The following CCDC178 variants were observed in gnomAD, a reference collection of about 807,000 sequenced individuals.
The protein encoded by CCDC178 is coiled-coil domain-containing protein 178.
A neutral mutation model predicts 117.4 loss-of-function variants in CCDC178; 126 were observed. The ratio of observed to expected loss-of-function variants is 1.07; its 90% CI spans 0.93 to 1.24. The LOEUF (loss-of-function observed/expected upper bound fraction) is 1.24. Among genes scored for constraint, CCDC178 ranks in the 50% most tolerant of loss-of-function variants. CCDC178 has a pLI of 0.00. For missense variants in CCDC178, 1,030 were observed against 986.9 expected (o/e 1.04, Z -0.59); for synonymous variants, 283 against 313.4 (o/e 0.90, Z 1.02).
intron 11 of CCDC178, among the ~76,000 whole-genome samples, chr18:33,308,494 G>C (rs755384208): frequency 5.9e-5 from 9 of 152,210 alleles, no homozygotes; most frequent in Non-Finnish European, 1.2e-4. Flanking sequence ...AGATGAGACT[G>C]CACTTAGACT....
chr18:33,040,030 G>A (rs962582092), intron 21 of CCDC178, among the ~76,000 whole-genome samples: 4 of 151,912 alleles, frequency 2.6e-5, no homozygotes, highest in African/African-American at 9.7e-5. Context: ...ACTTTTGGCA[G>A]AGGAAGAAGA....
At chr18:33,185,187 A>G (rs1315348757) in intron 20 of CCDC178, among the ~76,000 whole-genome samples, 25 of 152,026 alleles carry the variant, frequency 1.6e-4, no homozygotes, top group Non-Finnish European at 4.4e-5. Context: ...GGGTGTGCTC[A>G]TCCTGCATCA....
chr18:33,121,366 C>T (rs1463205028), intron 20 of CCDC178, among the ~76,000 whole-genome samples: 2 of 152,116 alleles, frequency 1.3e-5, no homozygotes, highest in Admixed American at 1.3e-4. Context: ...TCCTGATTGC[C>T]TGCCTTACAA....
chr18:33,417,650 T>C (rs1162743224), intron 2 of CCDC178, among the ~76,000 whole-genome samples: 2 of 152,164 alleles, frequency 1.3e-5, no homozygotes, highest in Non-Finnish European at 2.9e-5. Context: ...GTTATTATTG[T>C]TGTACTATAG....
chr18:33,038,075 T>A (rs2056478018), intron 21 of CCDC178, among the ~76,000 whole-genome samples: 2 of 151,916 alleles, frequency 1.3e-5, no homozygotes, highest in African/African-American at 4.8e-5. Context: ...GTTTTTTCAA[T>A]AAAAGTATGA....
intron 11 of CCDC178, among the ~76,000 whole-genome samples, chr18:33,313,879 C>T (rs112379706): frequency 1.3e-5 from 2 of 152,238 alleles, no homozygotes; most frequent in East Asian, 1.9e-4. Context: ...AAACTGAAAT[C>T]GCACATGAAG....
At chr18:33,009,096 G>A (rs2055809434) in intron 21 of CCDC178, among the ~76,000 whole-genome samples, 1 of 152,030 alleles carries the variant, frequency 6.6e-6, no homozygotes, top group African/African-American at 2.4e-5. Flanking sequence ...GTCATCAGAA[G>A]ATCCTATTGG....
At chr18:33,401,509 T>G (rs2063709742) in intron 3 of CCDC178, among the ~76,000 whole-genome samples, 1 of 152,164 alleles carries the variant, frequency 6.6e-6, no homozygotes, top group African/African-American at 2.4e-5. Flanking sequence ...TATACAATAT[T>G]CCAGTTACAA....
chr18:33,425,867 A>G lies in CCDC178; in HGVS notation c.-22-13757T>C, dbSNP rs531790615. Among the ~76,000 whole-genome samples the G allele has an allele frequency of 1.0e-3, 159 of 152,298 alleles. 1 individual carries two copies. The highest frequency in any genetic ancestry group is 2.0e-3 in the Admixed American group (31 of 15,304). ...AGTCAGATTAACAGGTGGTGGTTCT[A>G]CAGCCAGTAGAAAAATATTTTGGCT... On this transcript the variant is annotated intron_variant, in intron 2 of 22. Transcript: ENST00000383096.
chr18:33,031,905 AC>A (rs1250114798), intron 21 of CCDC178, among the ~76,000 whole-genome samples: 5 of 152,162 alleles, frequency 3.3e-5, no homozygotes, highest in African/African-American at 1.2e-4. Flanking sequence ...GAGAATAAAT[AC>A]TATCTAGTAA....
At chr18:33,081,465 C>A (rs2057296210) in intron 21 of CCDC178, among the ~76,000 whole-genome samples, 1 of 152,110 alleles carries the variant, frequency 6.6e-6, no homozygotes, top group Non-Finnish European at 1.5e-5. Flanking sequence ...TGCATTAGTG[C>A]AATGATCCTT....
At chr18:33,389,465 T>C in intron 5 of CCDC178, 75 bp downstream of exon 5, 1 of 589,534 alleles carries the variant, frequency 1.7e-6, no homozygotes, top group Non-Finnish European at 2.7e-6. Flanking sequence ...AGAAATAGTA[T>C]TGACATTATA....
chr18:33,256,366 G>T (rs2059680023), intron 14 of CCDC178, among the ~76,000 whole-genome samples: 1 of 152,000 alleles, frequency 6.6e-6, no homozygotes, highest in Non-Finnish European at 1.5e-5. Context: ...CAGGGCAGAA[G>T]AGGTTGAGAC....
chr18:33,210,193 T>A (rs2059090785), intron 20 of CCDC178, among the ~76,000 whole-genome samples: 1 of 151,944 alleles, frequency 6.6e-6, no homozygotes, highest in Admixed American at 6.6e-5. Context: ...GAAAAGGATA[T>A]AAAAGAAAAT....
chr18:33,077,999 C>G (rs1276342605), intron 21 of CCDC178, among the ~76,000 whole-genome samples: 2 of 152,090 alleles, frequency 1.3e-5, no homozygotes, highest in African/African-American at 4.8e-5. Flanking sequence ...AACTTCAGGG[C>G]AATAGTATTG....
intron 11 of CCDC178, among the ~76,000 whole-genome samples, chr18:33,319,387 T>G (rs770064090): frequency 3.9e-5 from 6 of 152,098 alleles, no homozygotes; most frequent in Admixed American, 3.9e-4. Context: ...TTTTTTATGG[T>G]TGCATAGTAT....
At chr18:33,273,568 A>G (rs1293485884) in intron 12 of CCDC178, among the ~76,000 whole-genome samples, 2 of 151,700 alleles carry the variant, frequency 1.3e-5, no homozygotes, top group African/African-American at 4.8e-5. Flanking sequence ...CCCATACTAC[A>G]TTAATTACCA....
In CCDC178 at chr18:33,157,690, C is replaced by G. The variant is rs543446416; in HGVS notation, c.2238+54206G>C. Reference sequence around the variant, plus strand: ...ACATTCCTATTCTTGAGTCATTACTCTGACTTTCAGTAGCATCCTATATTG... The same window carrying G: ...ACATTCCTATTCTTGAGTCATTACTGTGACTTTCAGTAGCATCCTATATTG... On this transcript the variant is annotated intron_variant, in intron 20 of 22. Coordinates refer to ENST00000383096, the MANE Select transcript of CCDC178 (RefSeq NM_001105528.4). Among the ~76,000 whole-genome samples, 3 of 152,268 alleles carry G rather than the reference C, an allele frequency of 2.0e-5. No individual in the cohort carries two copies. In the East Asian group the frequency reaches 5.8e-4, roughly 29 times the overall value.
intron 11 of CCDC178, among the ~76,000 whole-genome samples, chr18:33,307,011 G>A (rs2062265195): frequency 6.6e-6 from 1 of 152,092 alleles, no homozygotes; most frequent in Non-Finnish European, 1.5e-5. Context: ...CCAGCCCTGT[G>A]GACTGTGAGT....
Sources: gnomAD v4.1 joint callset for allele counts (sites outside exome capture counted in the v4.1 genomes callset) on GRCh38, gnomAD v4.1.1 for gene constraint, MANE v1.5 for transcripts, NCBI Gene and HGNC (gene_info 2026-07-23, HGNC 2026-07-21) for gene names.